The following PRKACB variants were observed in gnomAD, a reference collection of about 807,000 sequenced individuals.
PRKACB encodes cAMP-dependent protein kinase catalytic subunit beta.
Under a neutral mutation model 51.4 loss-of-function variants are expected in PRKACB, and 16 were observed. That is an observed-to-expected ratio of 0.31 (90% CI 0.21 to 0.47). The LOEUF (loss-of-function observed/expected upper bound fraction) is 0.47, where lower values mean the gene tolerates loss of function less well. Ranked by LOEUF, PRKACB falls within the 20% of genes least tolerant of loss-of-function variation. PRKACB has a pLI of 1.00. For synonymous variants in PRKACB, 147 were observed against 154.4 expected (o/e 0.95, Z 0.35); for missense variants, 309 against 464.5 (o/e 0.67, Z 3.08).
chr1:84,223,471 C>T (rs1168225223), intron 9 of PRKACB, among the ~76,000 whole-genome samples: 4 of 151,570 alleles, frequency 2.6e-5, no homozygotes, highest in African/African-American at 9.7e-5. Context: ...TGGGTTCACG[C>T]CATTCTCCTG....
In PRKACB at chr1:84,214,197, A is replaced by G. The variant is rs1484409213; in HGVS notation, c.951A>G (p.Leu317=). ...TCAGTTCAGATCTCAAGGACCTTCT[A>G]CGGAACCTGCTGCAGGTGGATTTGA... ...SHFSSDLKDL[L]RNLLQVDLTK... Residue 317 remains leucine (L), a synonymous_variant, in exon 9 of 10, where the codon CTA becomes CTG. Coordinates refer to ENST00000370685, the MANE Select transcript of PRKACB (RefSeq NM_182948.4). The G allele has an allele frequency of 8.7e-6, 14 of 1,613,222 alleles. No homozygotes were observed. The highest frequency in any genetic ancestry group is 8.4e-5 in the Admixed American group (5 of 59,862).
intron 1 of PRKACB, among the ~76,000 whole-genome samples, chr1:84,137,489 C>T (rs530488652): frequency 6.6e-6 from 1 of 152,230 alleles, no homozygotes; most frequent in East Asian, 1.9e-4. Context: ...AAGAACAAGT[C>T]TTAATGTACG....
At chr1:84,198,409 G>A (rs1200753767) in intron 7 of PRKACB, among the ~76,000 whole-genome samples, 1 of 152,062 alleles carries the variant, frequency 6.6e-6, no homozygotes, top group Non-Finnish European at 1.5e-5. Context: ...ATCTAGAAAG[G>A]AGAACCTAAC....
intron 2 of PRKACB, chr1:84,181,656 T>C: frequency 6.7e-7 from 1 of 1,487,554 alleles, no homozygotes; most frequent in Non-Finnish European, 8.9e-7. Flanking sequence ...CACTAGGCTC[T>C]CTCATGCTGC....
chr1:84,102,321 A>G (rs1649411379), intron 1 of PRKACB, among the ~76,000 whole-genome samples: 1 of 152,150 alleles, frequency 6.6e-6, no homozygotes, highest in African/African-American at 2.4e-5. Context: ...TGGGAGGCGG[A>G]GGTTGTAGTC....
At position 84,089,224 on chromosome 1, in the gene PRKACB, ATCC is replaced by A. The variant is rs1340006909; in HGVS notation, c.46+10860_46+10862del. 2.6e-5 allele frequency among the ~76,000 whole-genome samples: 4 copies of A among 152,256 alleles called. No homozygotes were observed. In the South Asian group the frequency reaches 8.3e-4, roughly 32 times the overall value. On this transcript the variant is annotated intron_variant, in intron 1 of 8. Transcript: ENST00000370688. ...ATTCAAACCTCCTGTAGAAGCGTAC[ATCC>A]TCCTCCCTTTCCTCCATTGGCAGGA...
At chr1:84,176,611 A>G (rs1393747384) in intron 1 of PRKACB, among the ~76,000 whole-genome samples, 1 of 151,520 alleles carries the variant, frequency 6.6e-6, no homozygotes, top group African/African-American at 2.4e-5. Flanking sequence ...TATGAAAAAA[A>G]ATGTTTCAGG....
intron 1 of PRKACB, among the ~76,000 whole-genome samples, chr1:84,147,971 C>G (rs1654332803): frequency 1.3e-5 from 2 of 152,044 alleles, no homozygotes; most frequent in Non-Finnish European, 2.9e-5. Flanking sequence ...GTTAAAAGAG[C>G]CTAAAGATTT....
chr1:84,149,394 G>A (rs1304034988), intron 1 of PRKACB, among the ~76,000 whole-genome samples: 1 of 151,950 alleles, frequency 6.6e-6, no homozygotes, highest in Non-Finnish European at 1.5e-5. Context: ...CAAGTAGCTG[G>A]GACTATAGGC....
In PRKACB at chr1:84,173,264, G is replaced by T. The variant is rs1450890418; in HGVS notation, c.188-5913G>T. 10 of 1,300,238 alleles carry T rather than the reference G, an allele frequency of 7.7e-6. 1 individual carries two copies. The highest frequency in any genetic ancestry group is 1.3e-5 in the South Asian group (1 of 77,552). 80.5% of individuals were successfully genotyped at this position (1,300,238 alleles called of 1,614,324 possible). A position where few individuals can be genotyped will look rare whatever the true frequency, so the allele number is the denominator to read the frequency against. ...GTACAGTAGTGAACATGTATAGATG[G>T]GTAACTTCTTGTAGGTATGTTATTT... is the stretch of plus-strand genomic sequence containing the variant. On this transcript the variant is annotated intron_variant, in intron 1 of 9. Transcript: ENST00000370685.
At chr1:84,145,073 T>C (rs1653861649) in intron 1 of PRKACB, among the ~76,000 whole-genome samples, 1 of 152,042 alleles carries the variant, frequency 6.6e-6, no homozygotes, top group East Asian at 1.9e-4. Flanking sequence ...CTTACACTTA[T>C]AACATTATGG....
At chr1:84,161,345 T>A (rs2100698735) in intron 1 of PRKACB, among the ~76,000 whole-genome samples, 1 of 152,030 alleles carries the variant, frequency 6.6e-6, no homozygotes, top group South Asian at 2.1e-4. Context: ...TTTAGCCTAT[T>A]TATATCTATG....
chr1:84,186,573 G>A (rs1665182522), intron 5 of PRKACB, among the ~76,000 whole-genome samples: 1 of 152,034 alleles, frequency 6.6e-6, no homozygotes, highest in Non-Finnish European at 1.5e-5. Context: ...CTGGCCCCTC[G>A]ACTCTGATTT....
At chr1:84,158,329 A>C (rs561510835) in intron 1 of PRKACB, among the ~76,000 whole-genome samples, 1 of 152,062 alleles carries the variant, frequency 6.6e-6, no homozygotes, top group Admixed American at 6.5e-5. Flanking sequence ...GAGCCACTGC[A>C]CCCGTCTTAT....
chr1:84,086,214 T>C, intron 1 of PRKACB: 2 of 1,595,118 alleles, frequency 1.3e-6, no homozygotes, highest in Non-Finnish European at 1.7e-6. Flanking sequence ...GAGGCCTTCC[T>C]GAAGAAGCTG....
chr1:84,134,274 A>G (rs562874621), intron 1 of PRKACB, among the ~76,000 whole-genome samples: 1 of 152,282 alleles, frequency 6.6e-6, no homozygotes, highest in East Asian at 1.9e-4. Flanking sequence ...AAAAGGCAAC[A>G]TTCAAGTGAG....
intron 1 of PRKACB, chr1:84,175,134 T>C: frequency 2.4e-6 from 3 of 1,237,208 alleles, no homozygotes; most frequent in Admixed American, 3.9e-5. Flanking sequence ...TTATTTTCCT[T>C]ATAAAGTTAT....
At chr1:84,160,579 A>T (rs1386608510) in intron 1 of PRKACB, among the ~76,000 whole-genome samples, 1 of 147,882 alleles carries the variant, frequency 6.8e-6, no homozygotes, top group Non-Finnish European at 1.5e-5. Flanking sequence ...TATAATATAT[A>T]ATAATATATA....
At chr1:84,174,136 C>T (rs911200101) in intron 1 of PRKACB, among the ~76,000 whole-genome samples, 1 of 151,788 alleles carries the variant, frequency 6.6e-6, no homozygotes, top group African/African-American at 2.4e-5. Flanking sequence ...CTCCCTGATT[C>T]GGCATCTGCT....
Sources: gnomAD v4.1 joint callset for allele counts (sites outside exome capture counted in the v4.1 genomes callset) on GRCh38, gnomAD v4.1.1 for gene constraint, MANE v1.5 for transcripts, NCBI Gene and HGNC (gene_info 2026-07-23, HGNC 2026-07-21) for gene names.